GREB1: variants seen among roughly 807,000 people sequenced by gnomAD.
GREB1 encodes protein GREB1.
In GREB1, 106 loss-of-function variants were observed where a neutral mutation model predicts 200.7. The ratio of observed to expected loss-of-function variants is 0.53; its 90% confidence interval spans 0.45 to 0.62. The LOEUF (loss-of-function observed/expected upper bound fraction) is 0.62. Among genes scored for constraint, GREB1 ranks in the 20% least tolerant of loss-of-function variants. GREB1 has a pLI of 0.00. For missense variants in GREB1, 2,243 were observed against 2,556.8 expected (o/e 0.88, Z 2.65); for synonymous variants, 1,132 against 1,092.4 (o/e 1.04, Z -0.72).
At chr2:11,577,685 G>A (rs989773449) in intron 5 of GREB1, among the ~76,000 whole-genome samples, 3 of 152,220 alleles carry the variant, frequency 2.0e-5, no homozygotes, top group African/African-American at 7.2e-5. Context: ...CAGGTCCTGG[G>A]AGTAGAAGGA....
chr2:11,536,368 G>A (rs1674293828), intron 1 of GREB1, among the ~76,000 whole-genome samples: 1 of 152,136 alleles, frequency 6.6e-6, no homozygotes, highest in Non-Finnish European at 1.5e-5. Context: ...CTAGTGATCT[G>A]GAAACCTCTC....
rs1015136618 is a variant in GREB1 at position 11,640,161 on chromosome 2, C to T, written c.5687-130C>T. On this transcript the variant is annotated intron_variant, in intron 32 of 32. Coordinates refer to ENST00000381486, the MANE Select transcript of GREB1 (RefSeq NM_014668.4). The surrounding 1 kb of genome is among the most constrained non-coding windows in gnomAD (Gnocchi z 4.6). Reference sequence around the variant, plus strand: ...CATCATCCCGAAAGAAGCAAGGGGCCGACTTGGATGCCGCTTCTGCCCTTC... The same window carrying T: ...CATCATCCCGAAAGAAGCAAGGGGCTGACTTGGATGCCGCTTCTGCCCTTC... 5.2e-6 allele frequency: 4 copies of T among 774,292 alleles called. No homozygotes were observed. Among genetic ancestry groups the T allele is most frequent in the Non-Finnish European group, 8.1e-6 (4 of 491,928 alleles). The allele number at this position is 774,292 out of a possible 1,614,324, so 48.0% of individuals were successfully genotyped here. A position where few individuals can be genotyped will look rare whatever the true frequency, so the allele number is the denominator to read the frequency against.
chr2:11,521,250 C>T (rs1337722738), intron 1 of GREB1, among the ~76,000 whole-genome samples: 1 of 152,106 alleles, frequency 6.6e-6, no homozygotes, highest in Non-Finnish European at 1.5e-5. Context: ...GCTGGGACCA[C>T]AGGCATGTGC....
At chr2:11,509,916 G>A (rs530369652) in intron 1 of GREB1, among the ~76,000 whole-genome samples, 1 of 152,186 alleles carries the variant, frequency 6.6e-6, no homozygotes, top group Non-Finnish European at 1.5e-5. Flanking sequence ...CAGCTCCAAT[G>A]GGCTAAGACA....
In GREB1 at chr2:11,580,641, T is replaced by G. The variant is rs1473858377; in HGVS notation, c.773-63T>G. On this transcript the variant is annotated intron_variant, in intron 6 of 32. Transcript: ENST00000381486. The surrounding 1 kb of genome is among the most constrained non-coding windows in gnomAD (Gnocchi z 4.5). ...AACTGCAAGGAAAATGATTTCCTCC[T>G]TGCCTGGCTCCCAGGGCATTCTTGT... The G allele has an allele frequency of 1.3e-6, 2 of 1,533,388 alleles. No homozygotes were observed. The highest frequency in any genetic ancestry group is 1.8e-6 in the Non-Finnish European group (2 of 1,138,040). 95.0% of individuals were successfully genotyped at this position (1,533,388 alleles called of 1,614,324 possible).
At chr2:11,638,385 C>T (rs934922835) in intron 31 of GREB1, among the ~76,000 whole-genome samples, 8 of 152,176 alleles carry the variant, frequency 5.3e-5, no homozygotes, top group Non-Finnish European at 8.8e-5. Flanking sequence ...AGGGGATCCA[C>T]CCGCCTCGGC....
chr2:11,602,092 G>C (rs778325795), intron 16 of GREB1, among the ~76,000 whole-genome samples: 1 of 152,158 alleles, frequency 6.6e-6, no homozygotes, highest in Non-Finnish European at 1.5e-5. Flanking sequence ...TAAGATTGTA[G>C]AAAGAAGCAA....
chr2:11,575,934 A>G (rs7564191), intron 4 of GREB1, among the ~76,000 whole-genome samples: 11,000 of 152,256 alleles, frequency 0.072, 1,267 homozygotes, highest in African/African-American at 0.24. Flanking sequence ...AAGTTTGCCC[A>G]GGCCCATCTC....
chr2:11,537,671 T>G (rs368559968), intron 1 of GREB1, among the ~76,000 whole-genome samples: 1 of 136,754 alleles, frequency 7.3e-6, no homozygotes, highest in South Asian at 2.1e-4. Flanking sequence ...TATAAAAATA[T>G]TTTATATATT....
chr2:11,634,429 GA>G, intron 29 of GREB1, 80 bp downstream of exon 29: 3 of 1,100,468 alleles, frequency 2.7e-6, no homozygotes, highest in Non-Finnish European at 4.0e-6. Flanking sequence ...TGGGGCTGCA[GA>G]GGCGTCCTGG....
At chr2:11,517,691 G>A (rs1474339476) in intron 1 of GREB1, among the ~76,000 whole-genome samples, 4 of 151,928 alleles carry the variant, frequency 2.6e-5, no homozygotes, top group African/African-American at 7.2e-5. Flanking sequence ...TCGCTCTGTC[G>A]CCCAGGCTGG....
chr2:11,618,604 G>C lies in GREB1; in HGVS notation c.3729G>C (p.Gln1243His), dbSNP rs891392111. Reference sequence around the variant, plus strand: ...CCGCTGCCGGCACGTGGGTCCTGCAGGCCTCCCAGTGCTCCTTGACCAAGG... The same window carrying C: ...CCGCTGCCGGCACGTGGGTCCTGCACGCCTCCCAGTGCTCCTTGACCAAGG... ...VAPAAGTWVL[Q>H]ASQCSLTKAC... The change falls in exon 22 of 33, where the codon CAG (glutamine) becomes CAC (histidine). Residue 1243 changes from glutamine to histidine, a missense_variant. This residue lies in a region of GREB1 where 587 missense variants were observed against 553.1 expected (regional missense o/e 1.06). Coordinates refer to ENST00000381486, the MANE Select transcript of GREB1 (RefSeq NM_014668.4). The C allele has an allele frequency of 6.2e-7, 1 of 1,613,206 alleles. No homozygotes were observed. The highest frequency in any genetic ancestry group is 8.5e-7 in the Non-Finnish European group (1 of 1,179,928).
At chr2:11,531,912 T>C (rs1434086307), upstream of GREB1, among the ~76,000 whole-genome samples, 1 of 152,224 alleles carries the variant, frequency 6.6e-6, no homozygotes, top group East Asian at 1.9e-4. Flanking sequence ...TTTTAGTGTA[T>C]TTCCTCCCAG....
At chr2:11,522,333 A>G (rs73917236) in intron 1 of GREB1, among the ~76,000 whole-genome samples, 3,420 of 152,242 alleles carry the variant, frequency 0.022, 168 homozygotes, top group African/African-American at 0.078. Context: ...TTTTTCACAC[A>G]CGTCTGCAAT....
At chr2:11,553,249 A>G (rs1015189390) in intron 1 of GREB1, among the ~76,000 whole-genome samples, 1 of 152,112 alleles carries the variant, frequency 6.6e-6, no homozygotes, top group Non-Finnish European at 1.5e-5. Flanking sequence ...ATGGTGGCTC[A>G]TGCCTGTGGT....
At chr2:11,625,047 C>T in intron 23 of GREB1, 107 bp from the exon 24 acceptor site, 1 of 880,434 alleles carries the variant, frequency 1.1e-6, no homozygotes, top group Non-Finnish European at 1.8e-6. Flanking sequence ...ACAGAATCGC[C>T]TGATGTCGCA....
chr2:11,550,270 G>A (rs1303952018), intron 1 of GREB1, among the ~76,000 whole-genome samples: 1 of 152,088 alleles, frequency 6.6e-6, no homozygotes, highest in Non-Finnish European at 1.5e-5. Context: ...TTGACTGCTG[G>A]GCCTCACAGA....
chr2:11,584,128 G>A (rs1377875668), intron 7 of GREB1, among the ~76,000 whole-genome samples: 2 of 152,134 alleles, frequency 1.3e-5, no homozygotes, highest in Non-Finnish European at 2.9e-5. Context: ...TGGTTTACTT[G>A]GGATGAGATT....
intron 1 of GREB1, among the ~76,000 whole-genome samples, chr2:11,513,764 G>T (rs1469229602): frequency 1.3e-5 from 2 of 152,074 alleles, no homozygotes; most frequent in African/African-American, 4.8e-5. Flanking sequence ...GCTCTTCCAG[G>T]CCTGGTCCTT....
Sources: gnomAD v4.1 joint callset for allele counts (sites outside exome capture counted in the v4.1 genomes callset) on GRCh38, gnomAD v4.1.1 for gene constraint, gnomAD v4.1.1 regional missense constraint, Gnocchi (gnomAD v3.1) non-coding constraint, MANE v1.5 for transcripts, NCBI Gene and HGNC (gene_info 2026-07-23, HGNC 2026-07-21) for gene names.